TEX10: variants seen among roughly 807,000 people sequenced by gnomAD.
The protein encoded by TEX10 is testis expressed 10, also known as testis-expressed protein 10.
In TEX10, 24 loss-of-function variants were observed where a neutral mutation model predicts 104.4. The ratio of observed to expected loss-of-function variants is 0.23; its 90% CI spans 0.17 to 0.32. TEX10 has a LOEUF of 0.32. Among genes scored for constraint, TEX10 ranks in the 10% least tolerant of loss-of-function variants. TEX10 has a pLI of 1.00. For missense variants in TEX10, 921 were observed against 1,083.9 expected, an observed-to-expected ratio of 0.85 and a Z score of 2.11; for synonymous variants, 396 against 393.4, an observed-to-expected ratio of 1.01 and a Z score of -0.08.
intron 9 of TEX10, among the ~76,000 whole-genome samples, chr9:100,325,303 T>C (rs776436694): frequency 2.0e-5 from 3 of 152,210 alleles, no homozygotes; most frequent in Non-Finnish European, 4.4e-5. Context: ...ATACTATGAC[T>C]GAAGATATAT....
rs555716239 is a variant in TEX10, at chr9:100,308,921, T to TC, written c.2284-241dup. On this transcript the variant is annotated intron_variant, in intron 12 of 14. Transcript: ENST00000374902. ...AGTGCTATTAACCCAATCCACTGCC[T>TC]CCCCTTCATGACAGAATCTTCTAAA... is the stretch of plus-strand genomic sequence containing the variant. Among the ~76,000 whole-genome samples the TC allele has an allele frequency of 1.4e-4, 22 of 152,276 alleles. No individual in the cohort carries two copies. In the East Asian group the frequency reaches 3.7e-3, roughly 25 times the overall value.
intron 5 of TEX10, among the ~76,000 whole-genome samples, chr9:100,336,485 C>T (rs1379941820): frequency 3.9e-4 from 59 of 152,188 alleles, no homozygotes; most frequent in Admixed American, 3.9e-3. Flanking sequence ...ATCTACGTTG[C>T]ATGCTCCTTA....
At chr9:100,331,245 G>A (rs995793598) in intron 5 of TEX10, among the ~76,000 whole-genome samples, 1 of 151,846 alleles carries the variant, frequency 6.6e-6, no homozygotes, top group African/African-American at 2.4e-5. Flanking sequence ...TGGGCAACAG[G>A]AGTGAAACTC....
At chr9:100,332,240 C>A (rs1204267361) in intron 5 of TEX10, among the ~76,000 whole-genome samples, 1 of 152,142 alleles carries the variant, frequency 6.6e-6, no homozygotes, top group African/African-American at 2.4e-5. Context: ...AATTAAGAAT[C>A]CTATCATTAA....
rs1835317039 is a variant in TEX10 at position 100,347,037 on chromosome 9, T to C, written c.550A>G (p.Lys184Glu). The change falls in exon 3 of 15, where the codon AAG becomes GAG. Residue 184 changes from lysine to glutamate, a missense_variant. Lys to Glu is a moderately conservative substitution (Grantham distance 56). This residue lies in a region of TEX10 where 50 missense variants were observed against 104.2 expected (regional missense o/e 0.48). Transcript: ENST00000374902. The stretch of plus-strand genomic sequence containing the variant: ...TGAGAAATAAGTTCTACAAAATTCT[T>C]AAGCAATATGCTGCTACGGCCAGTA... ...LITGRSSILL[K>E]NFVELISHQQ... is the part of the protein sequence containing the mutation. The C allele has an allele frequency of 6.2e-7, 1 of 1,614,046 alleles. No individual in the cohort carries two copies.
intron 13 of TEX10, 125 bp downstream of exon 13, chr9:100,308,374 CA>C: frequency 2.7e-6 from 2 of 751,976 alleles, no homozygotes; most frequent in South Asian, 5.2e-5. Flanking sequence ...TAGGCTGACA[CA>C]AACTCTCTGA....
At chr9:100,309,529 A>G (rs528527560) in intron 12 of TEX10, among the ~76,000 whole-genome samples, 2 of 152,284 alleles carry the variant, frequency 1.3e-5, no homozygotes, top group East Asian at 1.9e-4. Context: ...GGGAAAAAAA[A>G]GTGGGCATTG....
intron 1 of TEX10, among the ~76,000 whole-genome samples, chr9:100,350,177 C>T (rs944710): frequency 0.63 from 96,140 of 152,060 alleles, 32,361 homozygotes; most frequent in East Asian, 0.89. Context: ...CCAAACCTTG[C>T]ACTTACACAT....
At chr9:100,336,313 C>T (rs1365978105) in intron 5 of TEX10, among the ~76,000 whole-genome samples, 1 of 152,208 alleles carries the variant, frequency 6.6e-6, no homozygotes, top group African/African-American at 2.4e-5. Flanking sequence ...GGAACCAGGC[C>T]ACACAGCAGG....
In TEX10 at chr9:100,326,414, A is replaced by T. The variant is rs754547799; in HGVS notation, c.1867T>A (p.Tyr623Asn). 6.2e-7 allele frequency: 1 copy of T among 1,614,068 alleles called. No homozygotes were observed. ...DSQQRLVQLVYFLPSLPADLL... is the reference protein window; with the variant it reads ...DSQQRLVQLVNFLPSLPADLL... ...TCAGCCGGCAGACTGGGTAGGAAAT[A>T]TACAAGCTGAACCAAACGCTGCTGA... Residue 623 changes from tyrosine (Y) to asparagine (N), a missense_variant, in exon 9 of 15, where the codon TAT (tyrosine) becomes AAT (asparagine). Physicochemically the swap from Tyr to Asn is moderately radical, Grantham distance 143. Around this residue, in one of 3 missense-constraint regions of TEX10, gnomAD observed 753 missense variants for 868.4 expected, o/e 0.87. Coordinates refer to ENST00000374902, the MANE Select transcript of TEX10 (RefSeq NM_017746.4).
chr9:100,330,809 T>C (rs1165216018), intron 5 of TEX10, among the ~76,000 whole-genome samples: 2 of 152,250 alleles, frequency 1.3e-5, no homozygotes, highest in Admixed American at 1.3e-4. Context: ...GCTTATTTCT[T>C]TCATGTTTAG....
intron 10 of TEX10, 98 bp from the exon 11 acceptor site, chr9:100,320,496 A>C: frequency 7.6e-7 from 1 of 1,320,274 alleles, no homozygotes; most frequent in Non-Finnish European, 1.0e-6. Flanking sequence ...TCAAGTGAAC[A>C]TTCTTTAAGC....
intron 1 of TEX10, 29 bp from the exon 2 acceptor site, chr9:100,349,401 AT>A: frequency 3.5e-6 from 5 of 1,442,402 alleles, no homozygotes; most frequent in Non-Finnish European, 4.6e-6. Flanking sequence ...ATTAAAAGCA[AT>A]GGATAGAGAC....
At chr9:100,306,497 G>A (rs1417840750) in intron 13 of TEX10, 3 of 152,142 alleles carry the variant, frequency 2.0e-5, no homozygotes, top group African/African-American at 7.2e-5. Context: ...TTAACACTGA[G>A]GCAAGGAGAC....
In TEX10 at chr9:100,329,246, A is replaced by G; in HGVS notation, c.1519T>C (p.Tyr507His). The G allele has an allele frequency of 6.2e-7, 1 of 1,608,498 alleles. No homozygotes were observed. The highest frequency in any genetic ancestry group is 8.5e-7 in the Non-Finnish European group (1 of 1,178,838). Residue 507 changes from tyrosine (Y) to histidine (H), a missense_variant, in exon 7 of 15, where the codon TAT (tyrosine) becomes CAT (histidine). Tyr to His is a moderately conservative substitution (Grantham distance 83). This residue lies in a region of TEX10 where 753 missense variants were observed against 868.4 expected (regional missense o/e 0.87). Coordinates refer to ENST00000374902, the MANE Select transcript of TEX10 (RefSeq NM_017746.4). ...AGGCCCCTCTGCTGATATAATGTAT[A>G]AACTGCCTTAATAAGAGTCTCTGTG... ...EDTETLIKAV[Y>H]TLYQQRGLIL...
At chr9:100,345,658 A>C (rs567995625) in intron 4 of TEX10, among the ~76,000 whole-genome samples, 1 of 152,332 alleles carries the variant, frequency 6.6e-6, no homozygotes, top group South Asian at 2.1e-4. Context: ...TGAGCTCTTC[A>C]GTTTTGTCCC....
chr9:100,308,631 A>C lies in TEX10; in HGVS notation c.2334T>G (p.Val778=), dbSNP rs1210970277. The C allele has an allele frequency of 1.2e-6, 2 of 1,610,086 alleles. No individual in the cohort carries two copies. ...AAGTATGATCCAGGAGCTTACAGAT[A>C]ACACCAAAAACACAGCCAGCCGTGC... ...PDSTAGCVFG[V]ICKLLDHTCV... Residue 778 remains valine (V), a synonymous_variant, in exon 13 of 15, where the codon GTT becomes GTG. Coordinates refer to ENST00000374902, the MANE Select transcript of TEX10 (RefSeq NM_017746.4).
At chr9:100,316,606 T>C (rs757451583) in intron 11 of TEX10, among the ~76,000 whole-genome samples, 1 of 152,074 alleles carries the variant, frequency 6.6e-6, no homozygotes, top group Non-Finnish European at 1.5e-5. Flanking sequence ...TTTGCTGATA[T>C]GATTATTTTT....
At position 100,345,474 on chromosome 9, in the gene TEX10, T is replaced by C. The variant is rs144003346; in HGVS notation, c.1137+598A>G. On this transcript the variant is annotated intron_variant, in intron 4 of 14. Coordinates refer to ENST00000374902, the MANE Select transcript of TEX10 (RefSeq NM_017746.4). ...GCAATTCTTCTGAAAACCAGATGCTTCTAGCTTTGAAGTCTTGCTTCTGTA... is the reference window on the plus strand; with the variant it reads ...GCAATTCTTCTGAAAACCAGATGCTCCTAGCTTTGAAGTCTTGCTTCTGTA... Among the ~76,000 whole-genome samples, 548 of 152,362 alleles carry C rather than the reference T, an allele frequency of 3.6e-3. 3 individuals are homozygous for C. Among genetic ancestry groups the C allele is most frequent in the African/African-American group, 0.012 (516 of 41,576 alleles).
Sources: allele counts gnomAD v4.1 joint callset (sites outside exome capture counted in the v4.1 genomes callset), GRCh38; gene constraint gnomAD v4.1.1; regional missense constraint gnomAD v4.1.1; transcripts MANE v1.5; gene names NCBI Gene and HGNC (gene_info 2026-07-23, HGNC 2026-07-21).